FBXW4: variants seen among roughly 807,000 people sequenced by gnomAD.
The protein encoded by FBXW4 is F-box and WD repeat domain containing 4.
Under a neutral mutation model 61.8 loss-of-function variants are expected in FBXW4, and 40 were observed. That is an observed-to-expected ratio of 0.65 (90% CI 0.50 to 0.84). FBXW4 has a LOEUF of 0.84. Among genes scored for constraint, FBXW4 ranks in the 40% least tolerant of loss-of-function variants. The pLI is 0.00. For synonymous variants in FBXW4, 311 were observed against 313.8 expected, an observed-to-expected ratio of 0.99 and a Z score of 0.10; for missense variants, 672 against 753.8, an observed-to-expected ratio of 0.89 and a Z score of 1.27.
chr10:101,625,156 A>G (rs1319184260), intron 5 of FBXW4: 1 of 266,566 alleles, frequency 3.8e-6, no homozygotes, highest in Non-Finnish European at 7.4e-6. Context: ...CTGTTTAGGA[A>G]TCCCAAGAGC....
chr10:101,644,411 TG>T (rs754983244), intron 5 of FBXW4, among the ~76,000 whole-genome samples: 19 of 152,332 alleles, frequency 1.2e-4, no homozygotes, highest in Non-Finnish European at 1.2e-4. Context: ...AATAGCTTTC[TG>T]GGAAGTGGAG....
chr10:101,660,001 G>A (rs914008745), intron 5 of FBXW4: 7 of 715,592 alleles, frequency 9.8e-6, no homozygotes, highest in East Asian at 1.3e-4. Context: ...GTCTGTCCCC[G>A]GCCCTAACTT....
At chr10:101,667,638 T>G (rs1360704073) in intron 5 of FBXW4, among the ~76,000 whole-genome samples, 1 of 152,182 alleles carries the variant, frequency 6.6e-6, no homozygotes, top group Admixed American at 6.5e-5. Context: ...TATTCTCATA[T>G]AGTACTCTTT....
chr10:101,633,375 C>T (rs780377242), intron 5 of FBXW4, among the ~76,000 whole-genome samples: 2 of 152,168 alleles, frequency 1.3e-5, no homozygotes, highest in African/African-American at 2.4e-5. Flanking sequence ...ACTGCATGTT[C>T]TCATAACTGG....
chr10:101,624,667 A>G, intron 6 of FBXW4, 78 bp downstream of exon 6: 5 of 1,514,238 alleles, frequency 3.3e-6, no homozygotes, highest in Non-Finnish European at 4.6e-6. Flanking sequence ...CACTCAGCCA[A>G]CTGAGGCAGA....
chr10:101,679,973 T>G (rs1411926373), intron 1 of FBXW4, among the ~76,000 whole-genome samples: 1 of 152,174 alleles, frequency 6.6e-6, no homozygotes, highest in Non-Finnish European at 1.5e-5. Context: ...CACTTATAAG[T>G]GAGAACATGT....
intron 5 of FBXW4, among the ~76,000 whole-genome samples, chr10:101,652,422 C>T (rs565465955): frequency 1.4e-4 from 21 of 152,274 alleles, no homozygotes; most frequent in Non-Finnish European, 2.4e-4. Flanking sequence ...GATATTCCCT[C>T]ACTTTGTCAC....
chr10:101,656,260 AGTGGTG>A (rs67259257), intron 5 of FBXW4, among the ~76,000 whole-genome samples: 308 of 152,260 alleles, frequency 2.0e-3, no homozygotes, highest in Non-Finnish European at 3.3e-3. Flanking sequence ...ACATAATCAA[AGTGGTG>A]GTCACCCCAT....
chr10:101,659,182 A>G (rs1440415733), intron 5 of FBXW4, among the ~76,000 whole-genome samples: 2 of 152,152 alleles, frequency 1.3e-5, no homozygotes, highest in East Asian at 3.9e-4. Flanking sequence ...TCTGAGCCCA[A>G]GCAGCACCTG....
chr10:101,647,363 C>G (rs991723171), intron 5 of FBXW4, among the ~76,000 whole-genome samples: 6 of 152,160 alleles, frequency 3.9e-5, no homozygotes, highest in African/African-American at 1.4e-4. Context: ...GGAGGAACTA[C>G]TTGCTGGGTA....
intron 5 of FBXW4, among the ~76,000 whole-genome samples, chr10:101,628,214 A>T (rs1255244638): frequency 1.3e-5 from 2 of 152,050 alleles, no homozygotes; most frequent in African/African-American, 4.8e-5. Context: ...GTGATGAAAA[A>T]CCCAGCTCGG....
chr10:101,688,442 G>A (rs73351283), intron 1 of FBXW4, among the ~76,000 whole-genome samples: 4,064 of 152,256 alleles, frequency 0.027, 190 homozygotes, highest in African/African-American at 0.09. Context: ...CTTCCAGGGA[G>A]GGCAATGTGG....
chr10:101,610,988 T>C lies in FBXW4; in HGVS notation c.*303A>G, dbSNP rs2063776110. The C allele has an allele frequency of 4.0e-6, 1 of 247,150 alleles. No individual in the cohort carries two copies. Among genetic ancestry groups the C allele is most frequent in the Admixed American group, 5.1e-5 (1 of 19,660 alleles). 15.3% of individuals were successfully genotyped at this position (247,150 alleles called of 1,614,324 possible). On this transcript the variant is annotated 3_prime_UTR_variant, in exon 9 of 9. Transcript: ENST00000331272. ...GCTGTCATGGCTCTAATAAGGGGTATAGGATGGGCCTCTCCAGGCCAGATC... is the reference window on the plus strand; with the variant it reads ...GCTGTCATGGCTCTAATAAGGGGTACAGGATGGGCCTCTCCAGGCCAGATC...
At chr10:101,642,834 C>T (rs981802999) in intron 5 of FBXW4, among the ~76,000 whole-genome samples, 21 of 152,296 alleles carry the variant, frequency 1.4e-4, no homozygotes, top group African/African-American at 3.9e-4. Context: ...CCACCATCAG[C>T]GCCACCAGGC....
At chr10:101,627,814 G>A (rs1164455296) in intron 5 of FBXW4, among the ~76,000 whole-genome samples, 1 of 152,158 alleles carries the variant, frequency 6.6e-6, no homozygotes, top group African/African-American at 2.4e-5. Context: ...TACTGTGGCT[G>A]CACACAGGAC....
chr10:101,669,085 T>C (rs2064334294), intron 4 of FBXW4, among the ~76,000 whole-genome samples: 1 of 152,054 alleles, frequency 6.6e-6, no homozygotes, highest in Non-Finnish European at 1.5e-5. Flanking sequence ...CTCTTCCCTA[T>C]AAAAGGAGAA....
rs745582373 is a variant in FBXW4, at chr10:101,612,337, C to T, written c.1442G>A (p.Arg481Gln). 1.5e-5 allele frequency: 24 copies of T among 1,560,684 alleles called. No individual in the cohort carries two copies. The highest frequency in any genetic ancestry group is 5.4e-5 in the Admixed American group (3 of 56,074). ...VRYWDLRTSV[R>Q]KCVMEWEEPH... ...TGTCCTCCCTGCCCAGCACACTCAC[C>T]GGACGCTGGTGCGGAGGTCCCAGTA... Residue 481 changes from arginine (R) to glutamine (Q), a missense_variant and splice_region_variant, in exon 7 of 9, where the codon CGG (arginine) becomes CAG (glutamine). Arg to Gln is a conservative substitution (Grantham distance 43). Around this residue, in one of 5 missense-constraint regions of FBXW4, gnomAD observed 312 missense variants for 370.1 expected, o/e 0.84. Transcript: ENST00000331272.
chr10:101,694,472 A>G lies in FBXW4; in HGVS notation c.634T>C (p.Trp212Arg), dbSNP rs2134932277. Residue 212 changes from tryptophan (W) to arginine (R), a missense_variant, in exon 1 of 9, where the codon TGG (tryptophan) becomes CGG (arginine). Transcript: ENST00000331272. This position sits in a 1 kb window ranked among gnomAD's most constrained non-coding sequence, Gnocchi z 6.0. Reference sequence around the variant, plus strand: ...TCGCAGCTGGTGAAGCGCCGCAGCCAGCGGCACACCTGGGCCAGGCGGCCG... The same window carrying G: ...TCGCAGCTGGTGAAGCGCCGCAGCCGGCGGCACACCTGGGCCAGGCGGCCG... ...ALGRLAQVCR[W>R]LRRFTSCDLL... 2 of 1,533,432 alleles carry G rather than the reference A, an allele frequency of 1.3e-6. No homozygotes were observed. Among genetic ancestry groups the G allele is most frequent in the Non-Finnish European group, 8.7e-7 (1 of 1,151,484 alleles). The allele number at this position is 1,533,432 out of a possible 1,614,324, so 95.0% of individuals were successfully genotyped here. A position where few individuals can be genotyped will look rare whatever the true frequency, so the allele number is the denominator to read the frequency against.
At chr10:101,646,420 C>A (rs776634290) in intron 5 of FBXW4, among the ~76,000 whole-genome samples, 10 of 152,220 alleles carry the variant, frequency 6.6e-5, no homozygotes, top group Non-Finnish European at 1.0e-4. Context: ...TGCAGGGGTC[C>A]CTGTGCCAGA....
Sources: allele counts gnomAD v4.1 joint callset (sites outside exome capture counted in the v4.1 genomes callset), GRCh38; gene constraint gnomAD v4.1.1; regional missense constraint gnomAD v4.1.1; non-coding constraint Gnocchi (gnomAD v3.1); transcripts MANE v1.5; gene names NCBI Gene and HGNC (gene_info 2026-07-23, HGNC 2026-07-21).